ADGRF5: variants seen among roughly 807,000 people sequenced by gnomAD.
ADGRF5 encodes adhesion G protein-coupled receptor F5, also known as G-protein coupled receptor 116.
ADGRF5 carries 75 observed loss-of-function variants against 132.3 expected under a neutral mutation model. That is an observed-to-expected ratio of 0.57 (90% CI 0.47 to 0.69). ADGRF5 has a LOEUF of 0.69. ADGRF5 is among the 30% of genes least tolerant of loss of function. The pLI is 0.00. For missense variants in ADGRF5, 1,516 were observed against 1,630.6 expected (o/e 0.93, Z 1.21); for synonymous variants, 629 against 597.6 (o/e 1.05, Z -0.77).
At position 46,860,869 on chromosome 6, in the gene ADGRF5, T is replaced by C. The variant is rs777966480; in HGVS notation, c.2225A>G (p.Asp742Gly). Residue 742 changes from aspartate to glycine, a missense_variant, in exon 16 of 21, where the codon GAT becomes GGT. Physicochemically the swap from Asp to Gly is moderately conservative, Grantham distance 94 (BLOSUM62 -1). This residue lies in a region of ADGRF5 where 945 missense variants were observed against 929.4 expected (regional missense o/e 1.02). Coordinates refer to ENST00000283296, the MANE Select transcript of ADGRF5 (RefSeq NM_001098518.2). Reference sequence around the variant, plus strand: ...CTTCAGGTATGTAGGGAGCATCTCATCCTGAGAGGGGCTCTTGATCAAAGC... The same window carrying C: ...CTTCAGGTATGTAGGGAGCATCTCACCCTGAGAGGGGCTCTTGATCAAAGC... Reference protein sequence around the residue: ...AKALIKSPSQDEMLPTYLKDL... With the variant: ...AKALIKSPSQGEMLPTYLKDL... 1.2e-6 allele frequency: 2 copies of C among 1,610,854 alleles called. No individual in the cohort carries two copies. The highest frequency in any genetic ancestry group is 1.7e-5 in the Admixed American group (1 of 59,574).
intron 3 of ADGRF5, among the ~76,000 whole-genome samples, chr6:46,898,285 A>G (rs1361507524): frequency 1.3e-5 from 2 of 152,226 alleles, no homozygotes; most frequent in South Asian, 2.1e-4. Flanking sequence ...AGAATTTGGC[A>G]GAAACCTGGA....
chr6:46,857,858 G>A (rs2281443), intron 17 of ADGRF5, among the ~76,000 whole-genome samples: 38,633 of 152,062 alleles, frequency 0.25, 5,405 homozygotes, highest in East Asian at 0.38. Context: ...GACAAATGGG[G>A]ATTTTCCTTT....
chr6:46,886,708 A>C (rs1773102916), intron 4 of ADGRF5: 1 of 152,260 alleles, frequency 6.6e-6, no homozygotes, highest in South Asian at 2.1e-4. Context: ...GAAGATGGTG[A>C]AAGTTTGGAT....
intron 2 of ADGRF5, among the ~76,000 whole-genome samples, chr6:46,904,017 C>G (rs9472900): frequency 0.063 from 9,559 of 152,198 alleles, 1,010 homozygotes; most frequent in African/African-American, 0.22. Context: ...GGCTTCCACT[C>G]AGACCTGACA....
chr6:46,912,669 A>G (rs1467979092), intron 1 of ADGRF5, among the ~76,000 whole-genome samples: 1 of 152,236 alleles, frequency 6.6e-6, no homozygotes, highest in African/African-American at 2.4e-5. Flanking sequence ...AGCCAAGATG[A>G]TTGGAAATTG....
chr6:46,935,485 C>T (rs1482596130), intron 1 of ADGRF5, among the ~76,000 whole-genome samples: 1 of 152,082 alleles, frequency 6.6e-6, no homozygotes, highest in Non-Finnish European at 1.5e-5. Flanking sequence ...CAGAGGTTCC[C>T]CATTTTCTCT....
At chr6:46,888,119 C>T (rs183072287) in intron 4 of ADGRF5, 25 of 481,062 alleles carry the variant, frequency 5.2e-5, no homozygotes, top group African/African-American at 4.5e-4. Context: ...CCAAGCAAAC[C>T]TTTGGTCACC....
rs200329634 is a variant in ADGRF5, at chr6:46,864,526, ATTTT to A, written c.1990+512_1990+515del. Among the ~76,000 whole-genome samples, 572 of 141,630 alleles carry A rather than the reference ATTTT, an allele frequency of 4.0e-3. 4 individuals are homozygous for A. The highest frequency in any genetic ancestry group is 0.033 in the South Asian group (145 of 4,408). The allele number at this position is 141,630 out of a possible 152,430, so 92.9% of individuals were successfully genotyped here. On this transcript the variant is annotated intron_variant, in intron 14 of 20. Coordinates refer to ENST00000283296, the MANE Select transcript of ADGRF5 (RefSeq NM_001098518.2). ...AGCTCTTACTGTATTACATGTAATAATTTTTTTTTTTTTTTTTTGAGACGGAATC... is the reference window on the plus strand; with the variant it reads ...AGCTCTTACTGTATTACATGTAATAATTTTTTTTTTTTTTGAGACGGAATC...
At chr6:46,900,217 T>C (rs1774612174) in intron 2 of ADGRF5, 134 bp from the exon 3 acceptor site, 4 of 690,762 alleles carry the variant, frequency 5.8e-6, no homozygotes, top group Non-Finnish European at 1.1e-5. Context: ...ATGTGTCCCG[T>C]GGATGCTGGG....
intron 2 of ADGRF5, among the ~76,000 whole-genome samples, chr6:46,902,417 C>G (rs1168817954): frequency 6.6e-6 from 1 of 152,230 alleles, no homozygotes; most frequent in African/African-American, 2.4e-5. Flanking sequence ...AGGACTAAAG[C>G]ATTGAGGTCT....
intron 3 of ADGRF5, among the ~76,000 whole-genome samples, chr6:46,891,461 A>C (rs1025549930): frequency 6.6e-6 from 1 of 152,162 alleles, no homozygotes; most frequent in African/African-American, 2.4e-5. Context: ...AGGGTTCACT[A>C]CCTCCAGGAT....
At chr6:46,911,447 G>A (rs1309745736) in intron 1 of ADGRF5, among the ~76,000 whole-genome samples, 3 of 152,162 alleles carry the variant, frequency 2.0e-5, no homozygotes, top group South Asian at 2.1e-4. Context: ...TGTGTTTGGC[G>A]AAACCAAAAT....
intron 2 of ADGRF5, among the ~76,000 whole-genome samples, chr6:46,901,550 G>A (rs1774768569): frequency 6.6e-6 from 1 of 152,314 alleles, no homozygotes. Context: ...GCCAAGACAA[G>A]GGTAGATGCT....
At chr6:46,926,166 G>A (rs1384703325), upstream of ADGRF5, among the ~76,000 whole-genome samples, 1 of 152,168 alleles carries the variant, frequency 6.6e-6, no homozygotes, top group Admixed American at 6.5e-5. Flanking sequence ...GTGCTTAGCT[G>A]CAGCCACTCA....
chr6:46,862,932 C>T lies in ADGRF5; in HGVS notation c.2155G>A (p.Asp719Asn). 1 of 1,612,816 alleles carries T rather than the reference C, an allele frequency of 6.2e-7. No homozygotes were observed. The highest frequency in any genetic ancestry group is 1.1e-5 in the South Asian group (1 of 90,940). ...VGSQWEEKRNDCISAPINSLL... is the reference protein window; with the variant it reads ...VGSQWEEKRNNCISAPINSLL... ...CTGTTTATTGGGGCAGAGATGCAGT[C>T]ATTTCTCTTCTCCTCCCACTGGGAG... Residue 719 changes from aspartate to asparagine, a missense_variant, in exon 15 of 21, where the codon GAC becomes AAC. Physicochemically the swap from Asp to Asn is conservative, Grantham distance 23. Transcript: ENST00000283296.
At chr6:46,946,536 C>T (rs1011993683) in intron 1 of ADGRF5, among the ~76,000 whole-genome samples, 1 of 152,138 alleles carries the variant, frequency 6.6e-6, no homozygotes, top group African/African-American at 2.4e-5. Context: ...AGAGCTTCTG[C>T]TCCTATTGTT....
At chr6:46,883,699 T>C (rs935755991) in intron 5 of ADGRF5, 34 bp from the exon 6 acceptor site, 1 of 1,102,566 alleles carries the variant, frequency 9.1e-7, no homozygotes, top group Non-Finnish European at 1.4e-6. Flanking sequence ...TTTAAAAATA[T>C]GTTAATGTCT....
chr6:46,880,158 C>G, intron 8 of ADGRF5, 119 bp from the exon 9 acceptor site: 2 of 695,100 alleles, frequency 2.9e-6, no homozygotes, highest in Non-Finnish European at 5.0e-6. Context: ...TGGTGCTGAA[C>G]TGGCTGAGGC....
Position 46,948,461 on chromosome 6 carries a change from T to C in ADGRF5, c.-25+6273A>G, listed in dbSNP as rs538536187. On this transcript the variant is annotated intron_variant, in intron 1 of 20. Coordinates refer to the ADGRF5 transcript ENST00000265417. ...AGTTCTGGGTGATTCAGGTATCTGA[T>C]ACTTGCTCTAGTGAGTGTGTGTGTG... Among the ~76,000 whole-genome samples the C allele has an allele frequency of 4.7e-5, 7 of 148,236 alleles. No individual in the cohort carries two copies. The South Asian group carries it at 1.5e-3, about 33-fold the overall frequency.
Sources: gnomAD v4.1 joint callset for allele counts (sites outside exome capture counted in the v4.1 genomes callset) on GRCh38, gnomAD v4.1.1 for gene constraint, gnomAD v4.1.1 regional missense constraint, MANE v1.5 for transcripts, NCBI Gene and HGNC (gene_info 2026-07-23, HGNC 2026-07-21) for gene names.